ZNF79: variants seen among roughly 807,000 people sequenced by gnomAD.
ZNF79 encodes zinc finger protein 79.
ZNF79 carries 13 observed loss-of-function variants against 14.9 expected under a neutral mutation model. That is an observed-to-expected ratio of 0.87 (90% CI 0.57 to 1.38). The LOEUF is 1.38. Among genes scored for constraint, ZNF79 ranks in the 40% most tolerant of loss-of-function variants. The probability of loss-of-function intolerance (pLI) is 0.00; values close to 1 mark genes in which losing one functional copy is unlikely to be tolerated. For synonymous variants in ZNF79, 223 were observed against 235.1 expected (o/e 0.95, Z 0.47); for missense variants, 631 against 630.6 (o/e 1.00, Z -0.01).
intron 2 of ZNF79, among the ~76,000 whole-genome samples, chr9:127,430,972 TA>T (rs1358874767): frequency 2.6e-5 from 4 of 152,230 alleles, no homozygotes; most frequent in African/African-American, 9.6e-5. Flanking sequence ...TATTAGCCAT[TA>T]TTTCTGGTGT....
intron 1 of ZNF79, among the ~76,000 whole-genome samples, chr9:127,425,700 C>A (rs1436500695): frequency 1.3e-5 from 2 of 152,216 alleles, no homozygotes; most frequent in Non-Finnish European, 2.9e-5. Flanking sequence ...TCAAGCGATT[C>A]TCCTGCCTCA....
chr9:127,434,741 C>T (rs149681355), intron 2 of ZNF79, among the ~76,000 whole-genome samples: 34 of 152,242 alleles, frequency 2.2e-4, no homozygotes, highest in African/African-American at 6.7e-4. Flanking sequence ...CTCTGCCTCC[C>T]GGGTTCAAGC....
In ZNF79 at chr9:127,444,496, A is replaced by G; in HGVS notation, c.796A>G (p.Lys266Glu). 1.2e-6 allele frequency: 2 copies of G among 1,610,922 alleles called. No individual in the cohort carries two copies. Among genetic ancestry groups the G allele is most frequent in the South Asian group, 2.2e-5 (2 of 90,956 alleles). Residue 266 changes from lysine (K) to glutamate (E), a missense_variant, in exon 5 of 5, where the codon AAA becomes GAA. Transcript: ENST00000342483. ...CTTCAGCCAGAACGCCAACCTCACC[A>G]AACACCAGCGAACCCACACCGGAGA... ...RAFSQNANLT[K>E]HQRTHTGEKP...
chr9:127,428,812 G>GTT lies in ZNF79; in HGVS notation c.17-14_17-13dup, dbSNP rs778229254. On this transcript the variant is annotated intron_variant, in intron 1 of 4. Coordinates refer to ENST00000342483, the MANE Select transcript of ZNF79 (RefSeq NM_007135.3). The stretch of plus-strand genomic sequence containing the variant: ...TCATAAACTGCTTTTAACATTATTA[G>GTT]TTTTTTTCTCTTTCTCTAGTACTGC... 6.5e-7 allele frequency: 1 copy of GTT among 1,548,878 alleles called. No individual in the cohort carries two copies. Among genetic ancestry groups the GTT allele is most frequent in the African/African-American group, 1.4e-5 (1 of 71,962 alleles).
intron 3 of ZNF79, 119 bp downstream of exon 3, chr9:127,435,335 C>G: frequency 8.1e-7 from 1 of 1,227,268 alleles, no homozygotes; most frequent in Non-Finnish European, 1.1e-6. Context: ...GGTGTTTATT[C>G]CTCTTGTTCT....
Position 127,435,078 on chromosome 9 carries a change from T to G in ZNF79, c.106-12T>G, listed in dbSNP as rs372720961. On this transcript the variant is annotated splice_polypyrimidine_tract_variant and intron_variant, in intron 2 of 4. Transcript: ENST00000342483. ...AGGCCACTGGCAAGATGAAATGTGC[T>G]TGTTTTTTCAGGGATCCACATTCTT... is the stretch of plus-strand genomic sequence containing the variant. The G allele has an allele frequency of 1.2e-4, 185 of 1,604,594 alleles. No individual in the cohort carries two copies. The highest frequency in any genetic ancestry group is 1.7e-4 in the Middle Eastern group (1 of 6,026).
At chr9:127,429,591 A>G (rs1833824555) in intron 2 of ZNF79, among the ~76,000 whole-genome samples, 1 of 151,708 alleles carries the variant, frequency 6.6e-6, no homozygotes, top group Admixed American at 6.6e-5. Flanking sequence ...TTTGCCTCCC[A>G]AAGTGCTGGG....
At chr9:127,429,162 C>T (rs1009320293) in intron 2 of ZNF79, among the ~76,000 whole-genome samples, 1 of 152,026 alleles carries the variant, frequency 6.6e-6, no homozygotes, top group Non-Finnish European at 1.5e-5. Flanking sequence ...TACAGGCACG[C>T]ATCACCACAC....
chr9:127,442,634 C>T (rs1317530392), intron 4 of ZNF79, among the ~76,000 whole-genome samples: 1 of 151,866 alleles, frequency 6.6e-6, no homozygotes, highest in East Asian at 1.9e-4. Context: ...GAGGCTGAGG[C>T]GGAGGATCCC....
intron 1 of ZNF79, chr9:127,425,055 G>A: frequency 1.1e-6 from 1 of 931,704 alleles, no homozygotes; most frequent in Non-Finnish European, 1.5e-6. Flanking sequence ...TGATTTCTGA[G>A]TATTGTACCA....
chr9:127,432,927 A>G (rs1269124917), intron 2 of ZNF79, among the ~76,000 whole-genome samples: 1 of 152,082 alleles, frequency 6.6e-6, no homozygotes, highest in Non-Finnish European at 1.5e-5. Flanking sequence ...AAGTTACACA[A>G]AGATTTTAAA....
intron 4 of ZNF79, among the ~76,000 whole-genome samples, chr9:127,440,925 G>C (rs1371254437): frequency 6.6e-6 from 1 of 152,118 alleles, no homozygotes; most frequent in African/African-American, 2.4e-5. Flanking sequence ...GAGATCAGTA[G>C]CTCTGTTTGG....
In ZNF79 at chr9:127,424,460, G is replaced by T. The variant is rs1833711236; in HGVS notation, c.-328G>T. On this transcript the variant is annotated 5_prime_UTR_variant, in exon 1 of 5. Coordinates refer to ENST00000342483, the MANE Select transcript of ZNF79 (RefSeq NM_007135.3). Reference sequence around the variant, plus strand: ...TGGACAGCGGTTCTTGAGCTCTCGCGGTTGCCGGTAGATTGTTGCCAGTTG... The same window carrying T: ...TGGACAGCGGTTCTTGAGCTCTCGCTGTTGCCGGTAGATTGTTGCCAGTTG... 6.2e-6 allele frequency: 2 copies of T among 324,736 alleles called. No individual in the cohort carries two copies. The highest frequency in any genetic ancestry group is 1.2e-5 in the Non-Finnish European group (2 of 169,480). 20.1% of individuals were successfully genotyped at this position (324,736 alleles called of 1,614,324 possible).
chr9:127,443,900 CAAAAAAAAAAAAAA>C (rs34006666), intron 4 of ZNF79, 115 bp from the exon 5 acceptor site: 25 of 350,840 alleles, frequency 7.1e-5, no homozygotes, highest in Non-Finnish European at 8.7e-5. Flanking sequence ...GACTCCGTCT[CAAAAAAAAAAAAAA>C]AAAAAAAAGG....
At chr9:127,438,492 C>T (rs112897954) in intron 4 of ZNF79, among the ~76,000 whole-genome samples, 3,405 of 152,290 alleles carry the variant, frequency 0.022, 143 homozygotes, top group African/African-American at 0.077. Flanking sequence ...GCTCTCTAAA[C>T]CCTGCCCTCC....
rs760714486 is a variant in ZNF79 at position 127,444,174 on chromosome 9, T to C, written c.474T>C (p.Ser158=). 1.9e-6 allele frequency: 3 copies of C among 1,613,984 alleles called. No homozygotes were observed. The highest frequency in any genetic ancestry group is 1.7e-6 in the Non-Finnish European group (2 of 1,180,034). ...GCTTCAATCTGAGACCAGTCCTCTCTCCGCAACAGAGAGTGCCCGTGGAAG... is the reference window on the plus strand; with the variant it reads ...GCTTCAATCTGAGACCAGTCCTCTCCCCGCAACAGAGAGTGCCCGTGGAAG... ...EKSFNLRPVL[S]PQQRVPVEAR... The change falls in exon 5 of 5, where the codon TCT becomes TCC. Residue 158 remains serine (S), a synonymous_variant. Coordinates refer to ENST00000342483, the MANE Select transcript of ZNF79 (RefSeq NM_007135.3).
chr9:127,434,795 C>T (rs1588072359), intron 2 of ZNF79, among the ~76,000 whole-genome samples: 1 of 152,132 alleles, frequency 6.6e-6, no homozygotes, highest in Non-Finnish European at 1.5e-5. Flanking sequence ...ATTACAGGCA[C>T]GCACCACCAC....
At chr9:127,437,701 G>A (rs886698100) in intron 4 of ZNF79, among the ~76,000 whole-genome samples, 4 of 151,328 alleles carry the variant, frequency 2.6e-5, no homozygotes, top group Non-Finnish European at 2.9e-5. Context: ...GTGGTTGCCC[G>A]CAATCTTCGG....
Sources: gnomAD v4.1 joint callset for allele counts (sites outside exome capture counted in the v4.1 genomes callset) on GRCh38, gnomAD v4.1.1 for gene constraint, MANE v1.5 for transcripts, NCBI Gene and HGNC (gene_info 2026-07-23, HGNC 2026-07-21) for gene names.